The following CLEC16A variants were observed in gnomAD, a reference collection of about 807,000 sequenced individuals.
CLEC16A encodes protein CLEC16A.
CLEC16A carries 51 observed loss-of-function variants against 109.5 expected under a neutral mutation model. The ratio of observed to expected loss-of-function variants is 0.47; its 90% CI spans 0.37 to 0.59. The LOEUF is 0.59. CLEC16A is among the 20% of genes least tolerant of loss of function. The probability of loss-of-function intolerance (pLI) is 0.00; values close to 1 mark genes in which losing one functional copy is unlikely to be tolerated. For missense variants in CLEC16A, 1,339 were observed against 1,394.0 expected (o/e 0.96, Z 0.63); for synonymous variants, 673 against 564.2 (o/e 1.19, Z -2.73).
intron 10 of CLEC16A, among the ~76,000 whole-genome samples, chr16:10,992,255 C>A (rs945276654): frequency 6.6e-6 from 1 of 151,262 alleles, no homozygotes; most frequent in South Asian, 2.1e-4. Context: ...TGTTGACCAC[C>A]CTCTCCCCAT....
chr16:10,962,346 T>G, intron 2 of CLEC16A, 109 bp from the exon 3 acceptor site: 2 of 1,365,280 alleles, frequency 1.5e-6, no homozygotes, highest in Non-Finnish European at 2.1e-6. Context: ...TGCAGATACC[T>G]TGGGGGAGAG....
At chr16:11,013,199 C>A (rs1054520236) in intron 11 of CLEC16A, among the ~76,000 whole-genome samples, 1 of 152,178 alleles carries the variant, frequency 6.6e-6, no homozygotes, top group Admixed American at 6.5e-5. Flanking sequence ...TTATCCTCAT[C>A]CATGTTATAA....
At chr16:11,007,812 G>A (rs1294921568) in intron 11 of CLEC16A, among the ~76,000 whole-genome samples, 1 of 152,150 alleles carries the variant, frequency 6.6e-6, no homozygotes, top group Non-Finnish European at 1.5e-5. Context: ...GTGTTTGTAT[G>A]TATGTGTGTG....
intron 22 of CLEC16A, among the ~76,000 whole-genome samples, chr16:11,161,885 A>T (rs1319518453): frequency 6.6e-6 from 1 of 152,226 alleles, no homozygotes; most frequent in Non-Finnish European, 1.5e-5. Context: ...CTCGTGTGCA[A>T]GCCCCTAGGC....
In CLEC16A at chr16:11,047,362, A is replaced by G. The variant is rs1396340760; in HGVS notation, c.1866+20A>G. ...ATGACAGTAAGTGAGGGGCTGGGACACACTTGGGCTGGTGTGCGCCTGTGT... is the reference window on the plus strand; with the variant it reads ...ATGACAGTAAGTGAGGGGCTGGGACGCACTTGGGCTGGTGTGCGCCTGTGT... On this transcript the variant is annotated intron_variant, in intron 17 of 23. Coordinates refer to ENST00000409790, the MANE Select transcript of CLEC16A (RefSeq NM_015226.3). The G allele has an allele frequency of 3.8e-6, 6 of 1,595,814 alleles. No homozygotes were observed. Among genetic ancestry groups the G allele is most frequent in the Non-Finnish European group, 5.1e-6 (6 of 1,171,234 alleles).
chr16:11,049,633 G>C (rs542713238), intron 17 of CLEC16A, among the ~76,000 whole-genome samples: 3 of 152,340 alleles, frequency 2.0e-5, no homozygotes, highest in East Asian at 3.9e-4. Flanking sequence ...TGAGTGGAAG[G>C]GGGTGGGGAC....
intron 11 of CLEC16A, among the ~76,000 whole-genome samples, chr16:11,008,953 C>T (rs919585902): frequency 2.6e-5 from 4 of 151,934 alleles, no homozygotes; most frequent in African/African-American, 9.7e-5. Flanking sequence ...GAGCCGAGAT[C>T]GCGCCACTGC....
At chr16:10,975,929 G>A (rs2043011791) in intron 7 of CLEC16A, among the ~76,000 whole-genome samples, 1 of 152,082 alleles carries the variant, frequency 6.6e-6, no homozygotes, top group Admixed American at 6.5e-5. Context: ...TGGGATTACA[G>A]ACATGAGCCA....
At chr16:11,098,641 C>G (rs1000759099) in intron 19 of CLEC16A, among the ~76,000 whole-genome samples, 1 of 152,224 alleles carries the variant, frequency 6.6e-6, no homozygotes, top group Non-Finnish European at 1.5e-5. Flanking sequence ...GTCCTAAAAT[C>G]TGCACTTTGT....
chr16:11,054,734 A>G (rs2048120759), intron 18 of CLEC16A, among the ~76,000 whole-genome samples: 1 of 152,210 alleles, frequency 6.6e-6, no homozygotes. Context: ...GTTGCAAGGT[A>G]GCCATCTAGA....
At chr16:10,984,280 G>A (rs1424082895) in intron 10 of CLEC16A, among the ~76,000 whole-genome samples, 4 of 152,156 alleles carry the variant, frequency 2.6e-5, no homozygotes, top group South Asian at 2.1e-4. Flanking sequence ...ATTCAGGGGA[G>A]CATTAGCGCC....
In CLEC16A at chr16:11,174,215, C is replaced by G; in HGVS notation, c.2807-4120C>G. On this transcript the variant is annotated intron_variant, in intron 23 of 23. Transcript: ENST00000409790. This position sits in a 1 kb window ranked among gnomAD's most constrained non-coding sequence, Gnocchi z 4.7. The stretch of plus-strand genomic sequence containing the variant: ...GCCTGTCGGAGGCCGACAGTCATGG[C>G]GGCCACTGGGTTTAGTGCTCCGAAC... 2.1e-6 allele frequency: 1 copy of G among 469,132 alleles called. No homozygotes were observed. The highest frequency in any genetic ancestry group is 1.5e-5 in the South Asian group (1 of 64,566). The allele number at this position is 469,132 out of a possible 1,614,324, so 29.1% of individuals were successfully genotyped here. A position where few individuals can be genotyped will look rare whatever the true frequency, so the allele number is the denominator to read the frequency against.
At position 11,168,554 on chromosome 16, in the gene CLEC16A, C is replaced by T. The variant is rs557758253; in HGVS notation, c.2806+2002C>T. Among the ~76,000 whole-genome samples the T allele has an allele frequency of 1.1e-3, 169 of 152,344 alleles. 1 individual carries two copies. The highest frequency in any genetic ancestry group is 3.8e-3 in the African/African-American group (158 of 41,578). On this transcript the variant is annotated intron_variant, in intron 23 of 23. Transcript: ENST00000409790. ...AACTCACCTGATGAAGGGCCATGCC[C>T]GGTGGGCAGCCTGGGCTTTACTCTT...
At chr16:10,962,325 G>A in intron 2 of CLEC16A, 130 bp from the exon 3 acceptor site, 2 of 990,288 alleles carry the variant, frequency 2.0e-6, no homozygotes, top group Non-Finnish European at 3.1e-6. Flanking sequence ...GACAATGGGT[G>A]GCATGACCTG....
intron 19 of CLEC16A, among the ~76,000 whole-genome samples, chr16:11,116,489 G>A (rs2052003674): frequency 6.6e-6 from 1 of 152,194 alleles, no homozygotes; most frequent in South Asian, 2.1e-4. Flanking sequence ...CGGGGGTCAT[G>A]TGCTGGAGAG....
chr16:11,058,256 T>G (rs1028934311), intron 18 of CLEC16A, among the ~76,000 whole-genome samples: 1 of 152,236 alleles, frequency 6.6e-6, no homozygotes, highest in Non-Finnish European at 1.5e-5. Context: ...TTGAGAGATT[T>G]TATTATACAG....
intron 9 of CLEC16A, 37 bp from the exon 10 acceptor site, chr16:10,982,841 A>G (rs201964754): frequency 2.8e-5 from 35 of 1,237,562 alleles, no homozygotes; most frequent in Non-Finnish European, 3.6e-5. Context: ...AATACCGCAC[A>G]CTTTCATGCA....
intron 12 of CLEC16A, 163 bp from the exon 13 acceptor site, chr16:11,024,658 C>G (rs1037547527): frequency 7.1e-6 from 4 of 566,876 alleles, no homozygotes; most frequent in Non-Finnish European, 1.3e-5. Context: ...CAGAGCCTGT[C>G]TCTCATTTGT....
chr16:11,067,415 AG>A (rs569759930), intron 19 of CLEC16A, among the ~76,000 whole-genome samples: 1 of 151,592 alleles, frequency 6.6e-6, no homozygotes, highest in Non-Finnish European at 1.5e-5. Flanking sequence ...TGAGGGCTGC[AG>A]GGGGGGTGTG....
Sources: allele counts gnomAD v4.1 joint callset (sites outside exome capture counted in the v4.1 genomes callset), GRCh38; gene constraint gnomAD v4.1.1; non-coding constraint Gnocchi (gnomAD v3.1); transcripts MANE v1.5; gene names NCBI Gene and HGNC (gene_info 2026-07-23, HGNC 2026-07-21).